Variants in CFAP20DC observed in about 807,000 individuals in gnomAD.
The protein encoded by CFAP20DC is protein CFAP20DC.
CFAP20DC carries 84 observed loss-of-function variants against 101.7 expected under a neutral mutation model. The ratio of observed to expected loss-of-function variants is 0.83; its 90% CI spans 0.69 to 0.99. The LOEUF (loss-of-function observed/expected upper bound fraction) is 0.99. Ranked by LOEUF, CFAP20DC falls within the 50% of genes least tolerant of loss-of-function variation. CFAP20DC has a pLI of 0.00. For synonymous variants in CFAP20DC, 359 were observed against 351.2 expected (o/e 1.02, Z -0.25); for missense variants, 1,007 against 970.3 (o/e 1.04, Z -0.50).
chr3:58,963,432 A>T (rs2091312608), intron 4 of CFAP20DC, among the ~76,000 whole-genome samples: 1 of 152,070 alleles, frequency 6.6e-6, no homozygotes, highest in African/African-American at 2.4e-5. Context: ...CTTTTGCTCA[A>T]ATCACAAGAA....
chr3:58,816,332 G>C (rs1006401885), intron 14 of CFAP20DC, among the ~76,000 whole-genome samples: 1 of 152,172 alleles, frequency 6.6e-6, no homozygotes, highest in Non-Finnish European at 1.5e-5. Flanking sequence ...AGCTCCCAGA[G>C]TGAGCGACGC....
Position 59,034,679 on chromosome 3 carries a change from A to C in CFAP20DC, c.278+4878T>G, listed in dbSNP as rs2094062331. On this transcript the variant is annotated intron_variant, in intron 4 of 16. Coordinates refer to ENST00000482387, the MANE Select transcript of CFAP20DC (RefSeq NM_001394063.1). ...ATATATATACACCCAATACAGGAGT[A>C]CTCAGATTCATAAAGCAAGTTCTTA... Among the ~76,000 whole-genome samples the C allele has an allele frequency of 6.6e-5, 10 of 152,334 alleles. 1 individual carries two copies. In the South Asian group the frequency reaches 2.1e-3, roughly 32 times the overall value.
At chr3:58,871,432 C>T (rs987342830) in intron 7 of CFAP20DC, among the ~76,000 whole-genome samples, 9 of 152,100 alleles carry the variant, frequency 5.9e-5, no homozygotes, top group African/African-American at 2.2e-4. Flanking sequence ...CAGGTGTGCT[C>T]ACCAAATCCT....
At chr3:58,939,983 T>C (rs1302513224) in intron 4 of CFAP20DC, among the ~76,000 whole-genome samples, 2 of 152,118 alleles carry the variant, frequency 1.3e-5, no homozygotes, top group Non-Finnish European at 2.9e-5. Flanking sequence ...GCCAAGCTGG[T>C]CTAGAACTAC....
At chr3:58,970,152 A>G (rs1187867321) in intron 4 of CFAP20DC, among the ~76,000 whole-genome samples, 1 of 152,116 alleles carries the variant, frequency 6.6e-6, no homozygotes, top group Non-Finnish European at 1.5e-5. Flanking sequence ...ACTATGAAAC[A>G]CACTAGTTTC....
intron 14 of CFAP20DC, among the ~76,000 whole-genome samples, chr3:58,811,755 A>C (rs2074656501): frequency 6.6e-6 from 1 of 152,088 alleles, no homozygotes; most frequent in Non-Finnish European, 1.5e-5. Flanking sequence ...AACTACCATC[A>C]GAGTGAACAG....
chr3:58,807,774 G>A (rs1234982043), intron 14 of CFAP20DC, among the ~76,000 whole-genome samples: 1 of 152,180 alleles, frequency 6.6e-6, no homozygotes, highest in Non-Finnish European at 1.5e-5. Context: ...CCGAGCTACA[G>A]GAGGAAATTC....
chr3:58,995,975 AATCTATCTATCT>A (rs10688272), intron 4 of CFAP20DC, among the ~76,000 whole-genome samples: 83 of 145,270 alleles, frequency 5.7e-4, no homozygotes, highest in Non-Finnish European at 5.4e-4. Flanking sequence ...CTGTATAATA[AATCTATCTATCT>A]ATCTATCTAT....
intron 6 of CFAP20DC, among the ~76,000 whole-genome samples, chr3:58,908,410 T>A (rs2083815856): frequency 6.6e-6 from 1 of 152,198 alleles, no homozygotes; most frequent in Non-Finnish European, 1.5e-5. Context: ...GGATAAATTC[T>A]TATTCAGTGT....
chr3:58,934,232 A>C (rs939856538), intron 5 of CFAP20DC, among the ~76,000 whole-genome samples: 2 of 152,236 alleles, frequency 1.3e-5, no homozygotes, highest in Admixed American at 1.3e-4. Context: ...GAAGAAGCTG[A>C]ATCTCTGAAT....
At chr3:59,030,018 C>T (rs894860136) in intron 4 of CFAP20DC, among the ~76,000 whole-genome samples, 4 of 152,124 alleles carry the variant, frequency 2.6e-5, no homozygotes, top group Non-Finnish European at 5.9e-5. Flanking sequence ...TAGAAAGATG[C>T]TGAGGAAATG....
Position 58,717,561 on chromosome 3 carries a change from G to A in CFAP20DC, c.*27C>T. 1 of 446,162 alleles carries A rather than the reference G, an allele frequency of 2.2e-6. No homozygotes were observed. Among genetic ancestry groups the A allele is most frequent in the South Asian group, 1.6e-5 (1 of 61,310 alleles). 27.6% of individuals were successfully genotyped at this position (446,162 alleles called of 1,614,324 possible). Reference sequence around the variant, plus strand: ...ACCCACACTTCCAGGTTCTTGTCCTGATATCTTTAGAGTGTGAGTTTTGCC... The same window carrying A: ...ACCCACACTTCCAGGTTCTTGTCCTAATATCTTTAGAGTGTGAGTTTTGCC... On this transcript the variant is annotated 3_prime_UTR_variant, in exon 4 of 4. Transcript: ENST00000486145. The surrounding 1 kb of genome is among the most constrained non-coding windows in gnomAD (Gnocchi z 4.1).
intron 5 of CFAP20DC, among the ~76,000 whole-genome samples, chr3:58,931,056 C>G (rs1352204314): frequency 2.0e-5 from 3 of 152,148 alleles, no homozygotes; most frequent in African/African-American, 7.2e-5. Flanking sequence ...AAAATTGGGT[C>G]ACTCCCACCC....
chr3:58,731,377 TA>T (rs1485337767), intron 3 of CFAP20DC, among the ~76,000 whole-genome samples: 1 of 152,230 alleles, frequency 6.6e-6, no homozygotes, highest in Non-Finnish European at 1.5e-5. Context: ...CGAGTCCTGT[TA>T]AACTTACACA....
chr3:58,910,446 ATCATC>A lies in CFAP20DC; in HGVS notation c.550+3257_550+3261del, dbSNP rs796374227. ...TTTAAAGGTAGTTTCAAGGTCTTCT[ATCATC>A]TAACATTGCTATTAAGAAGTTAGAT... On this transcript the variant is annotated intron_variant, in intron 6 of 16. Transcript: ENST00000482387. Among the ~76,000 whole-genome samples the A allele has an allele frequency of 5.1e-4, 77 of 152,306 alleles. 1 individual carries two copies. The highest frequency in any genetic ancestry group is 1.8e-3 in the African/African-American group (76 of 41,582).
intron 14 of CFAP20DC, among the ~76,000 whole-genome samples, chr3:58,813,426 T>G (rs2074836441): frequency 6.6e-6 from 1 of 151,942 alleles, no homozygotes; most frequent in African/African-American, 2.4e-5. Context: ...TTTATTACAA[T>G]TTAGAGTTTG....
chr3:58,931,153 G>A (rs1458661390), intron 5 of CFAP20DC, among the ~76,000 whole-genome samples: 3 of 152,024 alleles, frequency 2.0e-5, no homozygotes, highest in Non-Finnish European at 2.9e-5. Flanking sequence ...CTACGCCCAC[G>A]GAGTCTCACT....
intron 13 of CFAP20DC, 133 bp from the exon 14 acceptor site, chr3:58,832,022 C>T (rs1022289542): frequency 3.9e-5 from 27 of 694,120 alleles, no homozygotes; most frequent in South Asian, 1.0e-4. Flanking sequence ...TGCCTCCATG[C>T]GCTACCTGCC....
At position 59,049,871 on chromosome 3, in the gene CFAP20DC, G is replaced by C. The variant is rs1700177024; in HGVS notation, c.-240C>G. 1.7e-6 allele frequency: 1 copy of C among 586,908 alleles called. No homozygotes were observed. The highest frequency in any genetic ancestry group is 3.0e-6 in the Non-Finnish European group (1 of 331,404). The allele number at this position is 586,908 out of a possible 1,614,324, so 36.4% of individuals were successfully genotyped here. On this transcript the variant is annotated 5_prime_UTR_variant, in exon 1 of 17. Transcript: ENST00000482387. Reference sequence around the variant, plus strand: ...AGCCTCCGCGGTGCCCGGGTCTGGGGAGGGCGCAGCTGCCTGGACGGACTC... The same window carrying C: ...AGCCTCCGCGGTGCCCGGGTCTGGGCAGGGCGCAGCTGCCTGGACGGACTC...
Sources: allele counts gnomAD v4.1 joint callset (sites outside exome capture counted in the v4.1 genomes callset), GRCh38; gene constraint gnomAD v4.1.1; non-coding constraint Gnocchi (gnomAD v3.1); transcripts MANE v1.5; gene names NCBI Gene and HGNC (gene_info 2026-07-23, HGNC 2026-07-21).